Variants in FAM204A observed in about 807,000 individuals in gnomAD.
The protein encoded by FAM204A is family with sequence similarity 204 member A.
In FAM204A, 16 loss-of-function variants were observed where a neutral mutation model predicts 35.4. The ratio of observed to expected loss-of-function variants is 0.45; its 90% confidence interval spans 0.31 to 0.69. FAM204A has a LOEUF of 0.69. Among genes scored for constraint, FAM204A ranks in the 30% least tolerant of loss-of-function variants. FAM204A has a pLI of 0.07. For missense variants in FAM204A, 240 were observed against 265.7 expected (o/e 0.90, Z 0.67); for synonymous variants, 76 against 86.9 (o/e 0.88, Z 0.70).
At chr10:118,327,935 C>G (rs957968330) in intron 6 of FAM204A, among the ~76,000 whole-genome samples, 2 of 152,146 alleles carry the variant, frequency 1.3e-5, no homozygotes, top group African/African-American at 4.8e-5. Context: ...TGCGGTTTAA[C>G]CTGGGTGACA....
chr10:118,337,665 C>G (rs1369245968), intron 2 of FAM204A, among the ~76,000 whole-genome samples: 1 of 152,162 alleles, frequency 6.6e-6, no homozygotes, highest in Non-Finnish European at 1.5e-5. Context: ...AATCTTAACT[C>G]TGACACTACT....
rs1845768097 is a variant in FAM204A, at chr10:118,298,070, T to C, written c.*12787A>G. The stretch of plus-strand genomic sequence containing the variant: ...TAGAACCAGTATAGAAACCTAGTTA[T>C]CTGCGTATTCCATCCTCTGGGCAGC... On this transcript the variant is annotated 3_prime_UTR_variant, in exon 9 of 9. Coordinates refer to ENST00000369183, the MANE Select transcript of FAM204A (RefSeq NM_022063.3). 6.6e-6 allele frequency: 1 copy of C among 152,188 alleles called. No individual in the cohort carries two copies. The highest frequency in any genetic ancestry group is 2.4e-5 in the African/African-American group (1 of 41,446). The allele number at this position is 152,188 out of a possible 1,614,324, so 9.4% of individuals were successfully genotyped here.
At chr10:118,326,336 C>A (rs1171338571) in intron 6 of FAM204A, 93 bp from the exon 7 acceptor site, 1 of 1,013,054 alleles carries the variant, frequency 9.9e-7, no homozygotes. Flanking sequence ...GAATGTGTTA[C>A]ACAAGTAGAC....
intron 7 of FAM204A, 153 bp from the exon 8 acceptor site, chr10:118,311,466 TAC>T (rs1845950754): frequency 1.6e-6 from 1 of 633,528 alleles, no homozygotes; most frequent in Non-Finnish European, 2.7e-6. Context: ...GTATAATGAA[TAC>T]AAAGACAGGA....
rs1450317251 is a variant in FAM204A, at chr10:118,300,021, GA to G, written c.*10835del. 6.6e-6 allele frequency: 1 copy of G among 152,214 alleles called. No homozygotes were observed. The highest frequency in any genetic ancestry group is 1.5e-5 in the Non-Finnish European group (1 of 68,048). 9.4% of individuals were successfully genotyped at this position (152,214 alleles called of 1,614,324 possible). On this transcript the variant is annotated 3_prime_UTR_variant, in exon 9 of 9. Transcript: ENST00000369183. ...AGAGGAACAAAGTAGCAACTGTATT[GA>G]GGACCGTCCATGACAGCTTGCTGAT...
At chr10:118,318,743 T>C (rs1414494565) in intron 7 of FAM204A, among the ~76,000 whole-genome samples, 1 of 152,050 alleles carries the variant, frequency 6.6e-6, no homozygotes, top group Non-Finnish European at 1.5e-5. Context: ...TTCACTATAA[T>C]ATTGTCTTTC....
chr10:118,330,840 C>T (rs566629608), intron 6 of FAM204A, among the ~76,000 whole-genome samples: 2 of 152,314 alleles, frequency 1.3e-5, no homozygotes, highest in African/African-American at 4.8e-5. Context: ...AGACTAGCTC[C>T]TCCACTTATG....
At chr10:118,330,760 C>T (rs1057506023) in intron 6 of FAM204A, among the ~76,000 whole-genome samples, 1 of 152,138 alleles carries the variant, frequency 6.6e-6, no homozygotes, top group African/African-American at 2.4e-5. Context: ...AAAACATTCC[C>T]ATCTCCTTAA....
chr10:118,325,563 T>C (rs180693142), intron 7 of FAM204A, among the ~76,000 whole-genome samples: 21 of 152,212 alleles, frequency 1.4e-4, no homozygotes, highest in Admixed American at 7.2e-4. Context: ...TTAATCTATA[T>C]TGACATTAAT....
Position 118,308,217 on chromosome 10 carries a change from C to T in FAM204A, c.*2640G>A, listed in dbSNP as rs552746177. On this transcript the variant is annotated 3_prime_UTR_variant, in exon 9 of 9. Transcript: ENST00000369183. ...AGTTACATTAATGCCATACCAACGG[C>T]CTGAAACATATTAATCTCAGTTAAC... 2.0e-5 allele frequency: 3 copies of T among 152,274 alleles called. No individual in the cohort carries two copies. The highest frequency in any genetic ancestry group is 7.2e-5 in the African/African-American group (3 of 41,544). 9.4% of individuals were successfully genotyped at this position (152,274 alleles called of 1,614,324 possible).
intron 7 of FAM204A, among the ~76,000 whole-genome samples, chr10:118,321,724 C>CAAA (rs200200755): frequency 0.014 from 1,191 of 87,152 alleles, 55 homozygotes; most frequent in Non-Finnish European, 0.018. Flanking sequence ...TATGACAAAG[C>CAAA]AAAAAAAAAA....
At position 118,305,818 on chromosome 10, in the gene FAM204A, CA is replaced by C. The variant is rs1845858294; in HGVS notation, c.*5038del. ...CTTGGGCATTATGTAGGGAGAAATT[CA>C]AAGAAACGCAAAGCTTCATTGTTTC... On this transcript the variant is annotated 3_prime_UTR_variant, in exon 9 of 9. Transcript: ENST00000369183. The C allele has an allele frequency of 6.6e-6, 1 of 152,178 alleles. No homozygotes were observed. Among genetic ancestry groups the C allele is most frequent in the African/African-American group, 2.4e-5 (1 of 41,438 alleles). The allele number at this position is 152,178 out of a possible 1,614,324, so 9.4% of individuals were successfully genotyped here. A position where few individuals can be genotyped will look rare whatever the true frequency, so the allele number is the denominator to read the frequency against.
Position 118,304,337 on chromosome 10 carries a change from C to T in FAM204A, c.*6520G>A, listed in dbSNP as rs1026819259. ...ACTTTACTAAATACTAAATGTCTAA[C>T]TCTATATTACTAAACTACTAATATA... On this transcript the variant is annotated 3_prime_UTR_variant, in exon 9 of 9. Transcript: ENST00000369183. 1 of 152,186 alleles carries T rather than the reference C, an allele frequency of 6.6e-6. No homozygotes were observed. The highest frequency in any genetic ancestry group is 6.5e-5 in the Admixed American group (1 of 15,282). The allele number at this position is 152,186 out of a possible 1,614,324, so 9.4% of individuals were successfully genotyped here.
rs1845888979 is a variant in FAM204A at position 118,307,806 on chromosome 10, T to C, written c.*3051A>G. 1 of 152,202 alleles carries C rather than the reference T, an allele frequency of 6.6e-6. No individual in the cohort carries two copies. Among genetic ancestry groups the C allele is most frequent in the South Asian group, 2.1e-4 (1 of 4,826 alleles). The allele number at this position is 152,202 out of a possible 1,614,324, so 9.4% of individuals were successfully genotyped here. ...AGAAGATTTTAATGTGAGTTCTAAG[T>C]TGTGACTTAAAAGTTCAGATAACAT... On this transcript the variant is annotated 3_prime_UTR_variant, in exon 9 of 9. Transcript: ENST00000369183.
rs866553507 is a variant in FAM204A at position 118,309,978 on chromosome 10, T to C, written c.*879A>G. The stretch of plus-strand genomic sequence containing the variant: ...CTGAAAGTACACAAAAATTAACAAA[T>C]TGCTTTTACTATGCAACTCTGAAAT... On this transcript the variant is annotated 3_prime_UTR_variant, in exon 9 of 9. Coordinates refer to ENST00000369183, the MANE Select transcript of FAM204A (RefSeq NM_022063.3). The C allele has an allele frequency of 9.9e-4, 151 of 152,238 alleles. No homozygotes were observed. Among genetic ancestry groups the C allele is most frequent in the African/African-American group, 3.4e-3 (140 of 41,548 alleles). The allele number at this position is 152,238 out of a possible 1,614,324, so 9.4% of individuals were successfully genotyped here.
chr10:118,335,869 T>C (rs1485652678), intron 3 of FAM204A, among the ~76,000 whole-genome samples: 2 of 152,124 alleles, frequency 1.3e-5, no homozygotes, highest in African/African-American at 4.8e-5. Context: ...GAAGCTCATG[T>C]AGGTAACAAA....
intron 6 of FAM204A, among the ~76,000 whole-genome samples, chr10:118,327,621 A>C (rs756212660): frequency 5.9e-5 from 9 of 152,142 alleles, no homozygotes; most frequent in Non-Finnish European, 1.2e-4. Flanking sequence ...GGTCCAAACA[A>C]CACCCTGGGA....
In FAM204A at chr10:118,305,452, C is replaced by T. The variant is rs1383210038; in HGVS notation, c.*5405G>A. ...CAATGCTCCTCATCTCCAGGGGAGACAGTCAGGGCATCAATCCCACCCACT... is the reference window on the plus strand; with the variant it reads ...CAATGCTCCTCATCTCCAGGGGAGATAGTCAGGGCATCAATCCCACCCACT... On this transcript the variant is annotated 3_prime_UTR_variant, in exon 9 of 9. Transcript: ENST00000369183. 6.6e-6 allele frequency: 1 copy of T among 152,222 alleles called. No homozygotes were observed. Among genetic ancestry groups the T allele is most frequent in the Non-Finnish European group, 1.5e-5 (1 of 68,050 alleles). 9.4% of individuals were successfully genotyped at this position (152,222 alleles called of 1,614,324 possible).
intron 7 of FAM204A, among the ~76,000 whole-genome samples, chr10:118,323,285 T>C (rs1381082375): frequency 2.0e-5 from 3 of 152,118 alleles, no homozygotes; most frequent in Admixed American, 6.6e-5. Flanking sequence ...GTTTTTCTTA[T>C]GTGCCTGTCT....
Sources: gnomAD v4.1 joint callset for allele counts (sites outside exome capture counted in the v4.1 genomes callset) on GRCh38, gnomAD v4.1.1 for gene constraint, MANE v1.5 for transcripts, NCBI Gene and HGNC (gene_info 2026-07-23, HGNC 2026-07-21) for gene names.